Variants in NSMAF observed in about 807,000 individuals in gnomAD.
NSMAF encodes protein FAN.
A neutral mutation model predicts 134.9 loss-of-function variants in NSMAF; 90 were observed. The observed-to-expected ratio is 0.67, with a 90% CI of 0.56 to 0.79. NSMAF has a LOEUF of 0.79. Ranked by LOEUF, NSMAF falls within the 30% of genes least tolerant of loss-of-function variation. The probability of loss-of-function intolerance (pLI) is 0.00; values close to 1 mark genes in which losing one functional copy is unlikely to be tolerated. For missense variants in NSMAF, 1,010 were observed against 1,119.0 expected, an observed-to-expected ratio of 0.90 and a Z score of 1.39; for synonymous variants, 358 against 389.6, an observed-to-expected ratio of 0.92 and a Z score of 0.96.
At chr8:58,652,237 C>T (rs982735507) in intron 1 of NSMAF, among the ~76,000 whole-genome samples, 6 of 152,140 alleles carry the variant, frequency 3.9e-5, no homozygotes, top group Non-Finnish European at 8.8e-5. Context: ...AGAGAGATTA[C>T]CTACAAAGAA....
rs1806239534 is a variant in NSMAF at position 58,599,962 on chromosome 8, C to T, written c.1332+8G>A. The stretch of plus-strand genomic sequence containing the variant: ...TCCAGTTACTCATCAGCTTTATTAA[C>T]TGCTTACCTCTTTAAAATCCGTTGC... On this transcript the variant is annotated splice_region_variant and intron_variant, in intron 17 of 30. Transcript: ENST00000038176. 2 of 1,613,928 alleles carry T rather than the reference C, an allele frequency of 1.2e-6. No individual in the cohort carries two copies. Among genetic ancestry groups the T allele is most frequent in the East Asian group, 2.2e-5 (1 of 44,886 alleles).
At chr8:58,614,412 G>A (rs1806607877) in intron 9 of NSMAF, among the ~76,000 whole-genome samples, 1 of 152,192 alleles carries the variant, frequency 6.6e-6, no homozygotes, top group Admixed American at 6.5e-5. Context: ...TAGAGTGACG[G>A]TCATGAGCCT....
chr8:58,613,942 T>C (rs1308920252), intron 9 of NSMAF, among the ~76,000 whole-genome samples: 1 of 152,198 alleles, frequency 6.6e-6, no homozygotes. Context: ...TTGGAGCATT[T>C]CGGACTTAAA....
chr8:58,659,499 G>T (rs1585773649), intron 1 of NSMAF, 74 bp downstream of exon 1: 3 of 1,493,334 alleles, frequency 2.0e-6, no homozygotes, highest in Non-Finnish European at 1.8e-6. Flanking sequence ...CCGTCCCTCA[G>T]ATCTCCGGCC....
intron 20 of NSMAF, 54 bp downstream of exon 20, chr8:58,597,806 G>A: frequency 1.6e-6 from 2 of 1,215,900 alleles, no homozygotes; most frequent in Non-Finnish European, 2.4e-6. Flanking sequence ...TAATAATTTA[G>A]ATAAAGACAT....
intron 6 of NSMAF, 63 bp downstream of exon 6, chr8:58,631,433 C>T: frequency 3.0e-6 from 3 of 1,005,644 alleles, no homozygotes; most frequent in Non-Finnish European, 4.4e-6. Flanking sequence ...AATAGAGTCA[C>T]AAAATTTTAT....
intron 1 of NSMAF, among the ~76,000 whole-genome samples, chr8:58,644,388 T>A (rs1365453336): frequency 6.6e-6 from 1 of 152,188 alleles, no homozygotes; most frequent in Non-Finnish European, 1.5e-5. Flanking sequence ...GAATTTCAGA[T>A]GCCTCCAGAG....
At chr8:58,603,484 G>A in intron 12 of NSMAF, 98 bp from the exon 13 acceptor site, 2 of 1,104,064 alleles carry the variant, frequency 1.8e-6, no homozygotes, top group South Asian at 3.1e-5. Context: ...GTGCATTCTT[G>A]AAAAATGCAT....
At chr8:58,655,996 A>G (rs1256446928) in intron 1 of NSMAF, among the ~76,000 whole-genome samples, 1 of 151,304 alleles carries the variant, frequency 6.6e-6, no homozygotes, top group Non-Finnish European at 1.5e-5. Flanking sequence ...TAAAATCAAT[A>G]TGGTTCCTGC....
intron 30 of NSMAF, among the ~76,000 whole-genome samples, chr8:58,584,833 T>A (rs964581368): frequency 6.6e-6 from 1 of 152,152 alleles, no homozygotes; most frequent in African/African-American, 2.4e-5. Flanking sequence ...GAGATGAGGT[T>A]TCGCTATGTT....
chr8:58,594,343 CTCTT>C, intron 22 of NSMAF, 53 bp from the exon 23 acceptor site: 1 of 1,461,052 alleles, frequency 6.8e-7, no homozygotes, highest in Admixed American at 1.7e-5. Flanking sequence ...TTAGGATACC[CTCTT>C]TGTTTCATAT....
chr8:58,617,026 A>G (rs1385205444), intron 9 of NSMAF, among the ~76,000 whole-genome samples: 1 of 152,208 alleles, frequency 6.6e-6, no homozygotes, highest in African/African-American at 2.4e-5. Context: ...TACTAAACAG[A>G]ACAGGGATTC....
At position 58,583,894 on chromosome 8, in the gene NSMAF, TC is replaced by T; in HGVS notation, c.*211del. ...TCTGCCTTACAGTGTAACATGTTTT[TC>T]CTAACACAGCCGCATTTTATCTGCC... On this transcript the variant is annotated 3_prime_UTR_variant, in exon 31 of 31. Coordinates refer to ENST00000038176, the MANE Select transcript of NSMAF (RefSeq NM_003580.4). The T allele has an allele frequency of 1.8e-6, 1 of 557,548 alleles. No homozygotes were observed. The highest frequency in any genetic ancestry group is 3.2e-6 in the Non-Finnish European group (1 of 311,650). 34.5% of individuals were successfully genotyped at this position (557,548 alleles called of 1,614,324 possible).
At chr8:58,612,491 A>G (rs537873991) in intron 9 of NSMAF, among the ~76,000 whole-genome samples, 1 of 152,282 alleles carries the variant, frequency 6.6e-6, no homozygotes, top group African/African-American at 2.4e-5. Context: ...TATTATCATA[A>G]TAAACTGGTA....
intron 27 of NSMAF, 120 bp downstream of exon 27, chr8:58,587,498 C>T: frequency 1.5e-6 from 1 of 687,970 alleles, no homozygotes; most frequent in South Asian, 1.9e-5. Context: ...GAGATTTAGC[C>T]TATAATCTTC....
intron 7 of NSMAF, 39 bp downstream of exon 7, chr8:58,623,670 C>G: frequency 6.4e-7 from 1 of 1,555,104 alleles, no homozygotes; most frequent in East Asian, 2.2e-5. Context: ...CAGTTTTTGC[C>G]TCAGTTTGCT....
intron 1 of NSMAF, among the ~76,000 whole-genome samples, chr8:58,648,121 G>T (rs767049889): frequency 2.0e-5 from 3 of 152,216 alleles, no homozygotes; most frequent in Non-Finnish European, 2.9e-5. Flanking sequence ...CTGAAACAAA[G>T]GTCGCCCTTG....
At chr8:58,640,567 A>G (rs552955967) in intron 2 of NSMAF, among the ~76,000 whole-genome samples, 1 of 152,286 alleles carries the variant, frequency 6.6e-6, no homozygotes, top group South Asian at 2.1e-4. Flanking sequence ...AAAGTTTACA[A>G]TTACTTTACA....
At position 58,583,864 on chromosome 8, in the gene NSMAF, G is replaced by A; in HGVS notation, c.*242C>T. On this transcript the variant is annotated 3_prime_UTR_variant, in exon 31 of 31. Transcript: ENST00000038176. ...CTTCTGACAATCATCATACGGGGAC[G>A]ATCATCTGCCTTACAGTGTAACATG... The A allele has an allele frequency of 2.1e-6, 1 of 485,756 alleles. No homozygotes were observed. The highest frequency in any genetic ancestry group is 3.7e-6 in the Non-Finnish European group (1 of 269,830). 30.1% of individuals were successfully genotyped at this position (485,756 alleles called of 1,614,324 possible).
Sources: allele counts gnomAD v4.1 joint callset (sites outside exome capture counted in the v4.1 genomes callset), GRCh38; gene constraint gnomAD v4.1.1; transcripts MANE v1.5; gene names NCBI Gene and HGNC (gene_info 2026-07-23, HGNC 2026-07-21).